DNM3: variants seen among roughly 807,000 people sequenced by gnomAD.
DNM3 encodes dynamin-3.
DNM3 carries 47 observed loss-of-function variants against 101.6 expected under a neutral mutation model. The observed-to-expected ratio is 0.46, with a 90% CI of 0.37 to 0.59. DNM3 has a LOEUF of 0.59. Among genes scored for constraint, DNM3 ranks in the 20% least tolerant of loss-of-function variants. The probability of loss-of-function intolerance (pLI) is 0.00; values close to 1 mark genes in which losing one functional copy is unlikely to be tolerated. For missense variants in DNM3, 849 were observed against 1,085.7 expected (o/e 0.78, Z 3.06); for synonymous variants, 385 against 387.9 (o/e 0.99, Z 0.09).
At position 172,408,831 on chromosome 1, in the gene DNM3, A is replaced by T; in HGVS notation, c.*990A>T. On this transcript the variant is annotated 3_prime_UTR_variant, in exon 21 of 21. Transcript: ENST00000627582. ...CTACCCTTGAAACAGGCTCAGTGTA[A>T]CTGTATATCCATTCTAGGCTTTCTT... 1 of 985,198 alleles carries T rather than the reference A, an allele frequency of 1.0e-6. No individual in the cohort carries two copies. The highest frequency in any genetic ancestry group is 1.1e-4 in the East Asian group (1 of 8,812). The allele number at this position is 985,198 out of a possible 1,614,324, so 61.0% of individuals were successfully genotyped here.
At chr1:172,154,437 C>G (rs1416784310) in intron 14 of DNM3, among the ~76,000 whole-genome samples, 1 of 152,052 alleles carries the variant, frequency 6.6e-6, no homozygotes, top group Non-Finnish European at 1.5e-5. Flanking sequence ...TTAAAATTCA[C>G]TCACGGAGTA....
intron 15 of DNM3, among the ~76,000 whole-genome samples, chr1:172,272,928 A>G (rs1310082349): frequency 6.6e-6 from 1 of 152,070 alleles, no homozygotes; most frequent in Admixed American, 6.6e-5. Flanking sequence ...GGACTTTTTC[A>G]CTTCTAGTTT....
chr1:171,933,934 G>A (rs1358755705), intron 2 of DNM3, among the ~76,000 whole-genome samples: 1 of 152,074 alleles, frequency 6.6e-6, no homozygotes, highest in Non-Finnish European at 1.5e-5. Context: ...GAGAGTTAAG[G>A]GATTCTTCAT....
intron 14 of DNM3, among the ~76,000 whole-genome samples, chr1:172,204,617 C>T (rs1175045187): frequency 2.0e-5 from 3 of 152,148 alleles, no homozygotes; most frequent in African/African-American, 7.2e-5. Context: ...AGCAGCCACA[C>T]GTTTCTCCCA....
rs9425561 is a variant in DNM3, at chr1:172,338,431, G to A, written c.1893+15091G>A. Reference sequence around the variant, plus strand: ...TAGTGAGAATCATGCCCTAAGTCTGGGTTTACCAGAAATTCAGCTTTCGAA... The same window carrying A: ...TAGTGAGAATCATGCCCTAAGTCTGAGTTTACCAGAAATTCAGCTTTCGAA... On this transcript the variant is annotated intron_variant, in intron 17 of 20. Coordinates refer to ENST00000627582, the MANE Select transcript of DNM3 (RefSeq NM_015569.5). Among the ~76,000 whole-genome samples, 489 of 151,996 alleles carry A rather than the reference G, an allele frequency of 3.2e-3. 2 individuals are homozygous for A. Among genetic ancestry groups the A allele is most frequent in the African/African-American group, 0.011 (464 of 41,518 alleles).
intron 17 of DNM3, among the ~76,000 whole-genome samples, chr1:172,361,863 G>A (rs532905603): frequency 6.6e-6 from 1 of 151,992 alleles, no homozygotes; most frequent in African/African-American, 2.4e-5. Flanking sequence ...AACCGTGAAC[G>A]CTTAGTAAAA....
chr1:171,951,501 T>G (rs1398992357), intron 2 of DNM3, among the ~76,000 whole-genome samples: 1 of 152,186 alleles, frequency 6.6e-6, no homozygotes, highest in Non-Finnish European at 1.5e-5. Flanking sequence ...CTCTAAAGTT[T>G]AGGGGTTTAT....
intron 14 of DNM3, among the ~76,000 whole-genome samples, chr1:172,239,184 C>T (rs2061651986): frequency 6.6e-6 from 1 of 152,188 alleles, no homozygotes; most frequent in African/African-American, 2.4e-5. Flanking sequence ...TGTTTCGCTG[C>T]TTCACACCCT....
At position 172,130,318 on chromosome 1, in the gene DNM3, T is replaced by C. The variant is rs1231777046; in HGVS notation, c.1546-857T>C. 2.0e-5 allele frequency among the ~76,000 whole-genome samples: 3 copies of C among 152,182 alleles called. No individual in the cohort carries two copies. The East Asian group carries it at 5.8e-4, about 29-fold the overall frequency. On this transcript the variant is annotated intron_variant, in intron 13 of 20. Coordinates refer to ENST00000627582, the MANE Select transcript of DNM3 (RefSeq NM_015569.5). ...GTTCTGTGACAACAAAATTATCTTGTATAGAGGACATGGTAAATGATGCCC... is the reference window on the plus strand; with the variant it reads ...GTTCTGTGACAACAAAATTATCTTGCATAGAGGACATGGTAAATGATGCCC...
intron 13 of DNM3, among the ~76,000 whole-genome samples, chr1:172,108,120 A>T (rs2055198152): frequency 6.6e-6 from 1 of 151,926 alleles, no homozygotes; most frequent in Non-Finnish European, 1.5e-5. Context: ...TAAATTTTAA[A>T]ATTTTGTTTT....
intron 14 of DNM3, among the ~76,000 whole-genome samples, chr1:172,168,946 G>A (rs1432874055): frequency 6.6e-6 from 1 of 151,902 alleles, no homozygotes; most frequent in African/African-American, 2.4e-5. Flanking sequence ...GTGAAACTTG[G>A]CATACATTTT....
At chr1:171,896,755 A>G (rs1217259448) in intron 1 of DNM3, among the ~76,000 whole-genome samples, 1 of 152,198 alleles carries the variant, frequency 6.6e-6, no homozygotes, top group Non-Finnish European at 1.5e-5. Context: ...CTGATAAAAT[A>G]GTCATGTTAA....
chr1:172,409,261 G>T lies in DNM3; in HGVS notation c.*1420G>T, dbSNP rs896839860. The T allele has an allele frequency of 1.0e-6, 1 of 985,194 alleles. No individual in the cohort carries two copies. Among genetic ancestry groups the T allele is most frequent in the African/African-American group, 1.7e-5 (1 of 57,222 alleles). The allele number at this position is 985,194 out of a possible 1,614,324, so 61.0% of individuals were successfully genotyped here. ...TTCATATTCTACAGAAGTAAATCAGGTTTCACCAACTGAAATGTCTCCCTT... is the reference window on the plus strand; with the variant it reads ...TTCATATTCTACAGAAGTAAATCAGTTTTCACCAACTGAAATGTCTCCCTT... On this transcript the variant is annotated 3_prime_UTR_variant, in exon 21 of 21. Transcript: ENST00000627582.
At chr1:171,962,165 G>A (rs1411000033) in intron 2 of DNM3, among the ~76,000 whole-genome samples, 1 of 152,178 alleles carries the variant, frequency 6.6e-6, no homozygotes, top group Non-Finnish European at 1.5e-5. Context: ...ATCCAAGAAT[G>A]TAATCATCAA....
chr1:171,931,284 C>A (rs1179694713), intron 2 of DNM3, among the ~76,000 whole-genome samples: 1 of 152,140 alleles, frequency 6.6e-6, no homozygotes, highest in Non-Finnish European at 1.5e-5. Flanking sequence ...CAGCTGATAT[C>A]TGGAGAAATC....
chr1:172,090,269 A>G (rs142773942), intron 12 of DNM3, among the ~76,000 whole-genome samples: 1 of 152,306 alleles, frequency 6.6e-6, no homozygotes, highest in East Asian at 1.9e-4. Context: ...TAGTTTTCTC[A>G]TGCATTCCTG....
chr1:171,940,915 A>C (rs970191989), intron 2 of DNM3, among the ~76,000 whole-genome samples: 1 of 152,234 alleles, frequency 6.6e-6, no homozygotes, highest in Non-Finnish European at 1.5e-5. Context: ...ATATATTTAA[A>C]TATGATACTG....
chr1:172,173,366 C>G (rs549988725), intron 14 of DNM3, among the ~76,000 whole-genome samples: 2 of 151,556 alleles, frequency 1.3e-5, no homozygotes, highest in East Asian at 3.9e-4. Flanking sequence ...GAAGAAGATG[C>G]AGGGGGTGGG....
At chr1:172,049,266 T>C (rs2050036922) in intron 10 of DNM3, among the ~76,000 whole-genome samples, 1 of 152,200 alleles carries the variant, frequency 6.6e-6, no homozygotes, top group Non-Finnish European at 1.5e-5. Context: ...TGTGTGACCT[T>C]GGGCTTAACC....
Sources: gnomAD v4.1 joint callset for allele counts (sites outside exome capture counted in the v4.1 genomes callset) on GRCh38, gnomAD v4.1.1 for gene constraint, MANE v1.5 for transcripts, NCBI Gene and HGNC (gene_info 2026-07-23, HGNC 2026-07-21) for gene names.